The following ULK4 variants were observed in gnomAD, a reference collection of about 807,000 sequenced individuals.
ULK4 encodes inactive serine/threonine-protein kinase ULK4.
ULK4 carries 133 observed loss-of-function variants against 160.6 expected under a neutral mutation model. The observed-to-expected ratio is 0.83, with a 90% CI of 0.72 to 0.96. The LOEUF is 0.96. ULK4 is among the 40% of genes least tolerant of loss of function. ULK4 has a pLI of 0.00. For missense variants in ULK4, 1,580 were observed against 1,499.5 expected (o/e 1.05, Z -0.89); for synonymous variants, 534 against 539.8 (o/e 0.99, Z 0.15).
chr3:41,334,234 GA>G (rs765688638), intron 35 of ULK4, among the ~76,000 whole-genome samples: 12 of 152,158 alleles, frequency 7.9e-5, no homozygotes, highest in Non-Finnish European at 1.5e-4. Context: ...TTAACCTATA[GA>G]AATCTTGTTG....
intron 21 of ULK4, 122 bp downstream of exon 21, chr3:41,789,539 G>T: frequency 1.1e-6 from 1 of 933,502 alleles, no homozygotes; most frequent in African/African-American, 1.7e-5. Context: ...GTTTGGCAAA[G>T]TTCAAAAAGG....
intron 35 of ULK4, among the ~76,000 whole-genome samples, chr3:41,317,798 G>C (rs2080174040): frequency 6.6e-6 from 1 of 152,184 alleles, no homozygotes; most frequent in South Asian, 2.1e-4. Flanking sequence ...CTGTAGCCCA[G>C]TGCTATCCAA....
In ULK4 at chr3:41,506,767, AATATATATATATATAT is replaced by A. The variant is rs71075470; in HGVS notation, c.3227-43530_3227-43515del. Among the ~76,000 whole-genome samples the A allele has an allele frequency of 4.2e-4, 24 of 56,794 alleles. 2 individuals carry two copies. The highest frequency in any genetic ancestry group is 1.6e-3 in the East Asian group (2 of 1,216). The allele number at this position is 56,794 out of a possible 152,430, so 37.3% of individuals were successfully genotyped here. ...AGCAATACACTGGAGTGTGATTTAA[AATATATATATATATAT>A]ATATATATATATATATATATATATG... On this transcript the variant is annotated intron_variant, in intron 32 of 36. Transcript: ENST00000301831.
At chr3:41,729,825 G>T (rs1349943008) in intron 22 of ULK4, among the ~76,000 whole-genome samples, 1 of 152,214 alleles carries the variant, frequency 6.6e-6, no homozygotes, top group Non-Finnish European at 1.5e-5. Flanking sequence ...CACAGGCATT[G>T]TTAATACTGA....
At chr3:41,690,660 C>G (rs528044527) in intron 27 of ULK4, among the ~76,000 whole-genome samples, 2 of 151,518 alleles carry the variant, frequency 1.3e-5, no homozygotes, top group Non-Finnish European at 2.9e-5. Flanking sequence ...CTCTGCTACC[C>G]CCATCCCCTT....
chr3:41,711,617 G>T (rs1410756687), intron 25 of ULK4, among the ~76,000 whole-genome samples: 1 of 152,132 alleles, frequency 6.6e-6, no homozygotes, highest in Non-Finnish European at 1.5e-5. Flanking sequence ...TCTACAGAGG[G>T]CAGGAAGTAT....
At chr3:41,606,707 C>T (rs1396438985) in intron 31 of ULK4, among the ~76,000 whole-genome samples, 1 of 151,862 alleles carries the variant, frequency 6.6e-6, no homozygotes, top group Non-Finnish European at 1.5e-5. Flanking sequence ...TTTGCATTTC[C>T]CCAGTGATTA....
chr3:41,460,291 A>C (rs2083653124), intron 33 of ULK4, among the ~76,000 whole-genome samples: 1 of 152,172 alleles, frequency 6.6e-6, no homozygotes, highest in African/African-American at 2.4e-5. Context: ...CCCAGATTGG[A>C]AAGTCAGGTG....
chr3:41,608,589 CAAAG>C (rs1210665411), intron 31 of ULK4, among the ~76,000 whole-genome samples: 1 of 152,174 alleles, frequency 6.6e-6, no homozygotes, highest in Non-Finnish European at 1.5e-5. Context: ...TTCCATCTAT[CAAAG>C]AACTCCAAAT....
intron 25 of ULK4, among the ~76,000 whole-genome samples, chr3:41,707,045 T>TC (rs1158456063): frequency 2.0e-5 from 3 of 152,020 alleles, no homozygotes; most frequent in Non-Finnish European, 4.4e-5. Context: ...CCCCATCCCA[T>TC]CTGCCTACCT....
intron 21 of ULK4, among the ~76,000 whole-genome samples, chr3:41,760,177 G>A (rs2038939618): frequency 6.6e-6 from 1 of 152,062 alleles, no homozygotes; most frequent in Non-Finnish European, 1.5e-5. Flanking sequence ...ATAGATGCAA[G>A]GATGCTCAAT....
At chr3:41,559,079 A>G (rs557719851) in intron 32 of ULK4, among the ~76,000 whole-genome samples, 40 of 133,422 alleles carry the variant, frequency 3.0e-4, no homozygotes, top group African/African-American at 1.1e-3. Context: ...TCCTGTGTCC[A>G]TATGTTCTCA....
At chr3:41,567,782 T>C (rs1242924405) in intron 31 of ULK4, among the ~76,000 whole-genome samples, 1 of 152,142 alleles carries the variant, frequency 6.6e-6, no homozygotes, top group Non-Finnish European at 1.5e-5. Context: ...AATTTTATTT[T>C]ACTTTTTAAA....
chr3:41,289,689 C>A (rs974490523), intron 35 of ULK4, among the ~76,000 whole-genome samples: 1 of 152,124 alleles, frequency 6.6e-6, no homozygotes, highest in Admixed American at 6.5e-5. Context: ...TCCAACATGT[C>A]CTCAATGCAC....
At chr3:41,491,523 G>A (rs1460546521) in intron 32 of ULK4, among the ~76,000 whole-genome samples, 1 of 151,932 alleles carries the variant, frequency 6.6e-6, no homozygotes, top group African/African-American at 2.4e-5. Flanking sequence ...CAAAAATATG[G>A]CATTTCAGAT....
At chr3:41,275,720 G>C (rs184616728) in intron 35 of ULK4, among the ~76,000 whole-genome samples, 37 of 152,346 alleles carry the variant, frequency 2.4e-4, no homozygotes, top group Admixed American at 1.7e-3. Flanking sequence ...GCTCATGATA[G>C]AACAGCCCAG....
In ULK4 at chr3:41,775,914, A is replaced by G. The variant is rs573997796; in HGVS notation, c.2193+13747T>C. On this transcript the variant is annotated intron_variant, in intron 21 of 36. Coordinates refer to ENST00000301831, the MANE Select transcript of ULK4 (RefSeq NM_017886.4). Reference sequence around the variant, plus strand: ...ACAAGGATATAAGTTTAATTATCCAATCTCTTGTTGGTTAACTTTTACATT... The same window carrying G: ...ACAAGGATATAAGTTTAATTATCCAGTCTCTTGTTGGTTAACTTTTACATT... Among the ~76,000 whole-genome samples, 4 of 150,970 alleles carry G rather than the reference A, an allele frequency of 2.6e-5. 1 individual carries two copies. Among genetic ancestry groups the G allele is most frequent in the East Asian group, 1.9e-4 (1 of 5,202 alleles).
intron 32 of ULK4, among the ~76,000 whole-genome samples, chr3:41,553,032 G>T (rs1190224019): frequency 7.2e-5 from 11 of 151,956 alleles, no homozygotes; most frequent in Admixed American, 2.6e-4. Context: ...AATGGTGCTG[G>T]GAAAATTGGA....
chr3:41,653,170 G>A (rs939301099), intron 30 of ULK4, among the ~76,000 whole-genome samples: 7 of 152,146 alleles, frequency 4.6e-5, no homozygotes, highest in East Asian at 1.9e-4. Context: ...AACCACCTCC[G>A]TTACTGAGCT....
Sources: gnomAD v4.1 joint callset for allele counts (sites outside exome capture counted in the v4.1 genomes callset) on GRCh38, gnomAD v4.1.1 for gene constraint, MANE v1.5 for transcripts, NCBI Gene and HGNC (gene_info 2026-07-23, HGNC 2026-07-21) for gene names.